IPO11: variants seen among roughly 807,000 people sequenced by gnomAD.
The protein encoded by IPO11 is importin 11, also known as importin-11.
IPO11 carries 66 observed loss-of-function variants against 143.2 expected under a neutral mutation model. The observed-to-expected ratio is 0.46, with a 90% confidence interval of 0.38 to 0.57. The LOEUF (loss-of-function observed/expected upper bound fraction) is 0.57, where lower values mean the gene tolerates loss of function less well. Among genes scored for constraint, IPO11 ranks in the 20% least tolerant of loss-of-function variants. The pLI is 0.00. For missense variants in IPO11, 1,026 were observed against 1,141.0 expected (o/e 0.90, Z 1.45); for synonymous variants, 385 against 377.8 (o/e 1.02, Z -0.22).
At chr5:62,435,114 A>ATATATGTATATGTATGTATATG (rs1561308819) in intron 1 of IPO11, among the ~76,000 whole-genome samples, 1,372 of 102,244 alleles carry the variant, frequency 0.013, 92 homozygotes, top group African/African-American at 0.054. Flanking sequence ...ATATATGTAT[A>ATATATGTATATGTATGTATATG]TATGTATATA....
At chr5:62,591,853 T>C (rs1745034446) in intron 28 of IPO11, among the ~76,000 whole-genome samples, 181 bp downstream of exon 28, 1 of 152,158 alleles carries the variant, frequency 6.6e-6, no homozygotes, top group Admixed American at 6.5e-5. Flanking sequence ...TATCACCTTA[T>C]TTATTTATTT....
chr5:62,520,232 G>T (rs531342285), intron 20 of IPO11, among the ~76,000 whole-genome samples: 1 of 152,324 alleles, frequency 6.6e-6, no homozygotes, highest in African/African-American at 2.4e-5. Context: ...GTACAGTAGT[G>T]TCCAAGAACC....
intron 24 of IPO11, among the ~76,000 whole-genome samples, chr5:62,540,000 T>A (rs747153833): frequency 6.6e-6 from 1 of 152,220 alleles, no homozygotes; most frequent in Non-Finnish European, 1.5e-5. Flanking sequence ...TTATTGTCTT[T>A]ACAGATTTTT....
chr5:62,465,974 T>G (rs140803624), intron 5 of IPO11, among the ~76,000 whole-genome samples: 1 of 152,216 alleles, frequency 6.6e-6, no homozygotes, highest in African/African-American at 2.4e-5. Flanking sequence ...CTCAGTAGTT[T>G]TATATTCTGC....
intron 27 of IPO11, among the ~76,000 whole-genome samples, chr5:62,584,269 G>T (rs932255471): frequency 3.9e-5 from 6 of 152,014 alleles, no homozygotes; most frequent in Non-Finnish European, 8.8e-5. Context: ...GGGCTTCAGT[G>T]GTGATGGGAC....
intron 27 of IPO11, among the ~76,000 whole-genome samples, chr5:62,586,394 C>T (rs1372965368): frequency 1.3e-5 from 2 of 151,958 alleles, no homozygotes; most frequent in Non-Finnish European, 2.9e-5. Flanking sequence ...AGTATTTTAT[C>T]TTCATTTTGA....
chr5:62,520,023 G>C (rs975302877), intron 20 of IPO11, among the ~76,000 whole-genome samples: 1 of 152,154 alleles, frequency 6.6e-6, no homozygotes, highest in Admixed American at 6.5e-5. Flanking sequence ...CAGATCCCCC[G>C]AGGGTTTTAA....
Position 62,490,149 on chromosome 5 carries a change from C to G in IPO11, c.1392C>G (p.Leu464=). The stretch of plus-strand genomic sequence containing the variant: ...CTGTTGGATTAGCTGCTTATGAGCT[C>G]TTTGACAGTGTTGATTTTGATCAGT... ...YNAVGLAAYE[L]FDSVDFDQWF... The change falls in exon 15 of 30, where the codon CTC becomes CTG. Residue 464 remains leucine, a synonymous_variant. Coordinates refer to ENST00000325324, the MANE Select transcript of IPO11 (RefSeq NM_016338.5). The G allele has an allele frequency of 1.2e-6, 2 of 1,605,648 alleles. No individual in the cohort carries two copies. Among genetic ancestry groups the G allele is most frequent in the Non-Finnish European group, 1.7e-6 (2 of 1,176,108 alleles).
intron 20 of IPO11, among the ~76,000 whole-genome samples, chr5:62,515,868 A>G (rs1741995224): frequency 1.3e-5 from 2 of 152,140 alleles, no homozygotes; most frequent in South Asian, 2.1e-4. Context: ...AAAATTCCCT[A>G]TTATAACTTG....
At chr5:62,497,206 C>A (rs1194321117) in intron 16 of IPO11, among the ~76,000 whole-genome samples, 4 of 151,654 alleles carry the variant, frequency 2.6e-5, no homozygotes, top group African/African-American at 7.3e-5. Context: ...ATTTTTTTTT[C>A]TTTTTTTGGC....
chr5:62,435,196 A>ATATG (rs1367748688), intron 1 of IPO11, among the ~76,000 whole-genome samples: 1 of 107,656 alleles, frequency 9.3e-6, no homozygotes, highest in Non-Finnish European at 1.9e-5. Context: ...ATATGTATAT[A>ATATG]TATGTATATA....
chr5:62,536,741 T>A lies in IPO11; in HGVS notation c.2129T>A (p.Ile710Asn). 1 of 1,577,364 alleles carries A rather than the reference T, an allele frequency of 6.3e-7. No individual in the cohort carries two copies. The highest frequency in any genetic ancestry group is 8.6e-7 in the Non-Finnish European group (1 of 1,166,768). Residue 710 changes from isoleucine to asparagine, a missense_variant, in exon 23 of 30, where the codon ATC (isoleucine) becomes AAC (asparagine). Physicochemically the swap from Ile to Asn is moderately radical, Grantham distance 149. This residue lies in a region of IPO11 where 351 missense variants were observed against 358.9 expected (regional missense o/e 0.98). Transcript: ENST00000325324. ...AATCTTAGAACTTGCTTTAAGATCA[T>A]CAATGGTTATATCTTTTTATCATCA... ...SENLRTCFKI[I>N]NGYIFLSSTE...
intron 13 of IPO11, among the ~76,000 whole-genome samples, chr5:62,488,282 C>A (rs950652366): frequency 6.6e-6 from 1 of 152,204 alleles, no homozygotes; most frequent in East Asian, 1.9e-4. Flanking sequence ...ACTTTGTACA[C>A]AAGTAACTAA....
At position 62,453,440 on chromosome 5, in the gene IPO11, T is replaced by C. The variant is rs778167736; in HGVS notation, c.516+1507T>C. Among the ~76,000 whole-genome samples, 3 of 147,764 alleles carry C rather than the reference T, an allele frequency of 2.0e-5. 1 individual carries two copies. Among genetic ancestry groups the C allele is most frequent in the African/African-American group, 8.1e-5 (3 of 37,238 alleles). On this transcript the variant is annotated intron_variant, in intron 5 of 29. Coordinates refer to ENST00000325324, the MANE Select transcript of IPO11 (RefSeq NM_016338.5). The stretch of plus-strand genomic sequence containing the variant: ...AGCATGTGGAAGAGAAGGGATGTAA[T>C]GGAAGGAGCCAAGTGAAGAGAGAGT...
intron 24 of IPO11, among the ~76,000 whole-genome samples, chr5:62,542,507 C>G (rs1432847617): frequency 1.3e-5 from 2 of 151,878 alleles, no homozygotes; most frequent in African/African-American, 4.8e-5. Context: ...TCTCTCATAC[C>G]ATTTCTTAAT....
intron 24 of IPO11, among the ~76,000 whole-genome samples, chr5:62,547,311 A>G (rs1391262668): frequency 2.0e-5 from 3 of 152,170 alleles, no homozygotes; most frequent in Non-Finnish European, 4.4e-5. Context: ...AAGAGAAATA[A>G]TATCGGACCA....
chr5:62,543,987 T>G (rs1252676097), intron 24 of IPO11, among the ~76,000 whole-genome samples: 1 of 152,184 alleles, frequency 6.6e-6, no homozygotes, highest in Non-Finnish European at 1.5e-5. Flanking sequence ...TCCATGTAGT[T>G]GAGCGGTTTT....
At chr5:62,575,252 C>G (rs1290049305) in intron 27 of IPO11, among the ~76,000 whole-genome samples, 2 of 152,172 alleles carry the variant, frequency 1.3e-5, no homozygotes, top group East Asian at 3.8e-4. Flanking sequence ...CTCATATGAC[C>G]TTTACCCAGA....
chr5:62,619,703 A>G (rs1580397144), intron 29 of IPO11, among the ~76,000 whole-genome samples: 1 of 151,876 alleles, frequency 6.6e-6, no homozygotes, highest in African/African-American at 2.4e-5. Context: ...AATACAAAAA[A>G]TTAGCCGGGC....
Sources: gnomAD v4.1 joint callset for allele counts (sites outside exome capture counted in the v4.1 genomes callset) on GRCh38, gnomAD v4.1.1 for gene constraint, gnomAD v4.1.1 regional missense constraint, MANE v1.5 for transcripts, NCBI Gene and HGNC (gene_info 2026-07-23, HGNC 2026-07-21) for gene names.